CHD6: variants seen among roughly 807,000 people sequenced by gnomAD.
CHD6 encodes the protein ATP-dependent chromatin remodeler CHD6.
CHD6 carries 50 observed loss-of-function variants against 276.9 expected under a neutral mutation model. The observed-to-expected ratio is 0.18, with a 90% CI of 0.14 to 0.23. The LOEUF is 0.23. Among genes scored for constraint, CHD6 ranks in the 10% least tolerant of loss-of-function variants. The pLI is 1.00. For synonymous variants in CHD6, 1,173 were observed against 1,229.3 expected, an observed-to-expected ratio of 0.95 and a Z score of 0.96; for missense variants, 2,564 against 3,365.8, an observed-to-expected ratio of 0.76 and a Z score of 5.89.
At chr20:41,577,637 AAT>A (rs1244292316) in intron 1 of CHD6, among the ~76,000 whole-genome samples, 1 of 152,280 alleles carries the variant, frequency 6.6e-6, no homozygotes, top group Admixed American at 6.5e-5. Flanking sequence ...AAACAAAATA[AAT>A]ATATGTGTAG....
intron 16 of CHD6, among the ~76,000 whole-genome samples, chr20:41,475,643 C>A (rs896878972): frequency 2.0e-5 from 3 of 152,156 alleles, no homozygotes; most frequent in Non-Finnish European, 4.4e-5. Context: ...GGTTGAGATT[C>A]AATTAAAGAA....
At chr20:41,542,065 T>C (rs1489815233) in intron 2 of CHD6, among the ~76,000 whole-genome samples, 3 of 152,214 alleles carry the variant, frequency 2.0e-5, no homozygotes, top group Non-Finnish European at 4.4e-5. Context: ...GTGTTGTTTT[T>C]GGAAACTACT....
chr20:41,509,412 G>A (rs1017444286), intron 5 of CHD6, among the ~76,000 whole-genome samples: 2 of 152,116 alleles, frequency 1.3e-5, no homozygotes, highest in East Asian at 1.9e-4. Flanking sequence ...AACTTGGCAG[G>A]TGTTCGAAGG....
intron 20 of CHD6, among the ~76,000 whole-genome samples, chr20:41,454,385 C>G (rs934081356): frequency 6.6e-6 from 1 of 152,310 alleles, no homozygotes; most frequent in Admixed American, 6.5e-5. Context: ...GTATCCAGTT[C>G]CAGTTCTAAT....
chr20:41,439,918 A>C (rs2047847351), intron 26 of CHD6, 82 bp downstream of exon 26: 1 of 1,425,824 alleles, frequency 7.0e-7, no homozygotes, highest in South Asian at 1.2e-5. Flanking sequence ...GGAAGAGATA[A>C]AGAGTGCTGG....
At chr20:41,586,486 C>G (rs1293141272) in intron 1 of CHD6, among the ~76,000 whole-genome samples, 1 of 152,208 alleles carries the variant, frequency 6.6e-6, no homozygotes, top group Non-Finnish European at 1.5e-5. Flanking sequence ...CTATAGAACT[C>G]ACTGCGTGGG....
At chr20:41,419,999 AAT>A (rs1472068124) in intron 31 of CHD6, among the ~76,000 whole-genome samples, 2 of 152,222 alleles carry the variant, frequency 1.3e-5, no homozygotes, top group Non-Finnish European at 2.9e-5. Context: ...AAGGAATCTA[AAT>A]CAAATGCACT....
intron 17 of CHD6, among the ~76,000 whole-genome samples, chr20:41,464,708 A>G (rs775897416): frequency 4.6e-5 from 7 of 152,216 alleles, no homozygotes; most frequent in Non-Finnish European, 7.4e-5. Flanking sequence ...TCTAGAAGCA[A>G]TAACAATCTA....
chr20:41,576,173 A>T (rs1440860276), intron 1 of CHD6, among the ~76,000 whole-genome samples: 2 of 152,228 alleles, frequency 1.3e-5, no homozygotes, highest in Non-Finnish European at 2.9e-5. Context: ...CTTTACCAAA[A>T]CATGTTAGGT....
chr20:41,555,850 G>A (rs1157808815), intron 1 of CHD6, among the ~76,000 whole-genome samples: 1 of 150,630 alleles, frequency 6.6e-6, no homozygotes, highest in African/African-American at 2.4e-5. Flanking sequence ...CAGACGGGGT[G>A]GCGGCTGGGC....
At chr20:41,472,387 C>T (rs955516203) in intron 17 of CHD6, among the ~76,000 whole-genome samples, 1 of 152,172 alleles carries the variant, frequency 6.6e-6, no homozygotes, top group Non-Finnish European at 1.5e-5. Flanking sequence ...CCTCTTGAAT[C>T]CTGTCAAACA....
chr20:41,502,762 T>C (rs746957839), intron 5 of CHD6, among the ~76,000 whole-genome samples: 5 of 152,172 alleles, frequency 3.3e-5, no homozygotes, highest in Non-Finnish European at 7.3e-5. Flanking sequence ...TCCCAGCACT[T>C]TGGGAGGTCG....
chr20:41,524,084 C>G (rs1028871604), intron 3 of CHD6, among the ~76,000 whole-genome samples: 2 of 152,204 alleles, frequency 1.3e-5, no homozygotes, highest in African/African-American at 4.8e-5. Context: ...CACTACTCCA[C>G]TCCAGCAACA....
At chr20:41,457,024 T>C (rs996688935) in intron 18 of CHD6, among the ~76,000 whole-genome samples, 1 of 152,176 alleles carries the variant, frequency 6.6e-6, no homozygotes, top group Non-Finnish European at 1.5e-5. Context: ...TTTACTGAAA[T>C]GTTACACCAA....
intron 1 of CHD6, among the ~76,000 whole-genome samples, chr20:41,591,771 G>C (rs1277658106): frequency 6.6e-6 from 1 of 152,072 alleles, no homozygotes; most frequent in Non-Finnish European, 1.5e-5. Context: ...GATGGAAGGT[G>C]CCGATAAAAC....
chr20:41,595,988 G>C (rs2045713971), intron 1 of CHD6, among the ~76,000 whole-genome samples: 1 of 152,026 alleles, frequency 6.6e-6, no homozygotes, highest in African/African-American at 2.4e-5. Context: ...CCTGAAAACA[G>C]AATCCCTACC....
At chr20:41,466,844 C>G (rs2042932102) in intron 17 of CHD6, among the ~76,000 whole-genome samples, 1 of 152,218 alleles carries the variant, frequency 6.6e-6, no homozygotes, top group South Asian at 2.1e-4. Flanking sequence ...CTACTCCCAG[C>G]CTCCCAGGGA....
At chr20:41,423,466 T>C in intron 30 of CHD6, 26 bp downstream of exon 30, 1 of 1,598,028 alleles carries the variant, frequency 6.3e-7, no homozygotes, top group South Asian at 1.1e-5. Context: ...TTGTATCATC[T>C]GACAATATAC....
At chr20:41,492,057 C>A (rs2043568963) in intron 10 of CHD6, among the ~76,000 whole-genome samples, 1 of 152,198 alleles carries the variant, frequency 6.6e-6, no homozygotes, top group African/African-American at 2.4e-5. Flanking sequence ...ATGAAACTCT[C>A]CCTGCTTTCT....
Sources: allele counts gnomAD v4.1 joint callset (sites outside exome capture counted in the v4.1 genomes callset), GRCh38; gene constraint gnomAD v4.1.1; transcripts MANE v1.5; gene names NCBI Gene and HGNC (gene_info 2026-07-23, HGNC 2026-07-21).